Variants in GALNT13 observed in about 807,000 individuals in gnomAD.
GALNT13 encodes the protein polypeptide N-acetylgalactosaminyltransferase 13, also known as UDP-GalNAc:polypeptide N-acetylgalactosaminyltransferase 13.
GALNT13 carries 28 observed loss-of-function variants against 64.2 expected under a neutral mutation model. The ratio of observed to expected loss-of-function variants is 0.44; its 90% CI spans 0.32 to 0.60. GALNT13 has a LOEUF of 0.60. Among genes scored for constraint, GALNT13 ranks in the 20% least tolerant of loss-of-function variants. GALNT13 has a pLI of 0.05. For synonymous variants in GALNT13, 214 were observed against 224.6 expected (o/e 0.95, Z 0.42); for missense variants, 577 against 669.8 (o/e 0.86, Z 1.53).
At chr2:154,235,591 T>A (rs917157772) in intron 4 of GALNT13, among the ~76,000 whole-genome samples, 1 of 152,136 alleles carries the variant, frequency 6.6e-6, no homozygotes, top group African/African-American at 2.4e-5. Flanking sequence ...GCATTGCAAG[T>A]CTTTATTTTA....
At chr2:154,071,226 TTTA>T (rs1417141861) in intron 3 of GALNT13, among the ~76,000 whole-genome samples, 1 of 152,180 alleles carries the variant, frequency 6.6e-6, no homozygotes, top group Non-Finnish European at 1.5e-5. Flanking sequence ...TTGCCAATAT[TTTA>T]TTCAATCCTG....
intron 9 of GALNT13, among the ~76,000 whole-genome samples, chr2:154,330,646 C>A (rs533247996): frequency 1.1e-4 from 16 of 152,170 alleles, no homozygotes; most frequent in Middle Eastern, 3.4e-3. Flanking sequence ...TCAGCACTTG[C>A]TTCCAGAAAT....
chr2:153,656,019 T>C, the GALNT13 span, among the ~76,000 whole-genome samples: 1 of 152,142 alleles, frequency 6.6e-6, no homozygotes, highest in Non-Finnish European at 1.5e-5. Flanking sequence ...ATTTGAAAGC[T>C]TGCCCGCTTT....
chr2:153,360,505 G>T, the GALNT13 span, among the ~76,000 whole-genome samples: 1 of 152,168 alleles, frequency 6.6e-6, no homozygotes, highest in Non-Finnish European at 1.5e-5. Context: ...CATCTCTATA[G>T]CTCTGGGCTG....
intron 8 of GALNT13, among the ~76,000 whole-genome samples, chr2:154,288,729 C>A (rs1692423231): frequency 6.6e-6 from 1 of 152,212 alleles, no homozygotes; most frequent in African/African-American, 2.4e-5. Context: ...CCAGGTCTTG[C>A]TGATGCAAGA....
rs776111419 is a variant in GALNT13 at position 154,259,024 on chromosome 2, C to T, written c.861C>T (p.Thr287=). The change falls in exon 8 of 13, where the codon ACC becomes ACT. Residue 287 remains threonine, a synonymous_variant. Transcript: ENST00000392825. The part of the protein sequence containing the change: ...RKGDRTLPVR[T]PTMAGGLFSI... ...CTTTTTGTTTTTTTTCAACTAGGACCCCTACTATGGCTGGTGGCCTATTTT... is the reference window on the plus strand; with the variant it reads ...CTTTTTGTTTTTTTTCAACTAGGACTCCTACTATGGCTGGTGGCCTATTTT... 5 of 1,544,338 alleles carry T rather than the reference C, an allele frequency of 3.2e-6. No individual in the cohort carries two copies. The East Asian group carries it at 6.8e-5, about 21-fold the overall frequency.
chr2:153,613,986 A>G, the GALNT13 span, among the ~76,000 whole-genome samples: 1 of 152,072 alleles, frequency 6.6e-6, no homozygotes, highest in East Asian at 1.9e-4. Flanking sequence ...CGTTGTGCAC[A>G]TGTACCCTAA....
the GALNT13 span, among the ~76,000 whole-genome samples, chr2:153,202,947 C>A: frequency 3.9e-5 from 6 of 151,990 alleles, no homozygotes; most frequent in African/African-American, 1.5e-4. Flanking sequence ...TTGTATTGCT[C>A]TCATTTGTAT....
chr2:153,946,549 A>G (rs979459523), intron 3 of GALNT13, among the ~76,000 whole-genome samples: 10 of 152,076 alleles, frequency 6.6e-5, no homozygotes, highest in African/African-American at 2.2e-4. Context: ...AGCAGATGCA[A>G]CGTCTGATAA....
At chr2:153,743,013 G>A in the GALNT13 span, among the ~76,000 whole-genome samples, 8 of 102,114 alleles carry the variant, frequency 7.8e-5, no homozygotes, top group African/African-American at 3.0e-4. Flanking sequence ...GAGAAGAGAG[G>A]AGGGGAGAAG....
the GALNT13 span, among the ~76,000 whole-genome samples, chr2:153,413,837 G>A: frequency 6.6e-6 from 1 of 152,130 alleles, no homozygotes; most frequent in East Asian, 1.9e-4. Flanking sequence ...TCTCAGTATA[G>A]ACATTTTTTA....
chr2:154,161,782 T>C (rs1684738705), intron 4 of GALNT13, among the ~76,000 whole-genome samples: 1 of 143,868 alleles, frequency 7.0e-6, no homozygotes. Flanking sequence ...AAATCAAGTG[T>C]ATTTTTTTTT....
At chr2:153,424,318 A>G in the GALNT13 span, among the ~76,000 whole-genome samples, 17 of 151,766 alleles carry the variant, frequency 1.1e-4, no homozygotes, top group South Asian at 3.3e-3. Context: ...CTGTGCCTAT[A>G]TTTCTTAAGC....
intron 3 of GALNT13, among the ~76,000 whole-genome samples, chr2:154,022,777 A>G (rs1697618210): frequency 6.6e-6 from 1 of 151,846 alleles, no homozygotes; most frequent in African/African-American, 2.4e-5. Flanking sequence ...AGTTCTTTTA[A>G]TTGTGATGTT....
chr2:154,228,720 A>C (rs899117941), intron 4 of GALNT13, among the ~76,000 whole-genome samples: 2 of 152,254 alleles, frequency 1.3e-5, no homozygotes, highest in African/African-American at 4.8e-5. Flanking sequence ...GTATGAGAAA[A>C]CAGGAACTAG....
chr2:153,794,544 G>A, the GALNT13 span, among the ~76,000 whole-genome samples: 1 of 146,300 alleles, frequency 6.8e-6, no homozygotes, highest in African/African-American at 2.5e-5. Context: ...TTTTTGAGAT[G>A]GAGTCTTGCT....
chr2:153,521,878 C>T, the GALNT13 span, among the ~76,000 whole-genome samples: 1 of 152,124 alleles, frequency 6.6e-6, no homozygotes, highest in African/African-American at 2.4e-5. Flanking sequence ...CAGCTCAGCT[C>T]ATTTCTTTTT....
chr2:153,202,071 G>A, the GALNT13 span, among the ~76,000 whole-genome samples: 989 of 142,674 alleles, frequency 6.9e-3, 13 homozygotes, highest in African/African-American at 0.024. Flanking sequence ...TGCAAGCTCC[G>A]CTTCCCGGGT....
chr2:153,739,694 A>G, the GALNT13 span, among the ~76,000 whole-genome samples: 2 of 149,688 alleles, frequency 1.3e-5, no homozygotes, highest in Non-Finnish European at 3.0e-5. Context: ...TTGATTTATC[A>G]ATGTTATCAC....
Sources: gnomAD v4.1 joint callset for allele counts (sites outside exome capture counted in the v4.1 genomes callset) on GRCh38, gnomAD v4.1.1 for gene constraint, MANE v1.5 for transcripts, NCBI Gene and HGNC (gene_info 2026-07-23, HGNC 2026-07-21) for gene names.